The following KAZN variants were observed in gnomAD, a reference collection of about 807,000 sequenced individuals.
The protein encoded by KAZN is kazrin.
In KAZN, 40 loss-of-function variants were observed where a neutral mutation model predicts 87.4. The observed-to-expected ratio is 0.46, with a 90% CI of 0.36 to 0.60. The LOEUF (loss-of-function observed/expected upper bound fraction) is 0.60. Ranked by LOEUF, KAZN falls within the 20% of genes least tolerant of loss-of-function variation. The pLI, the probability that KAZN is intolerant of heterozygous loss-of-function variation, is 0.00. For missense variants in KAZN, 898 were observed against 1,073.9 expected (o/e 0.84, Z 2.29); for synonymous variants, 466 against 458.3 (o/e 1.02, Z -0.22).
intron 8 of KAZN, among the ~76,000 whole-genome samples, chr1:15,076,855 A>G (rs1185173430): frequency 3.9e-5 from 6 of 152,172 alleles, no homozygotes; most frequent in Non-Finnish European, 7.3e-5. Context: ...CTGCAAACAT[A>G]TATTAGGGTG....
intron 1 of KAZN, among the ~76,000 whole-genome samples, chr1:14,047,067 A>G (rs1642108218): frequency 6.6e-6 from 1 of 152,112 alleles, no homozygotes; most frequent in Non-Finnish European, 1.5e-5. Context: ...CCATCTGTGC[A>G]TTCGTTCATC....
intron 2 of KAZN, among the ~76,000 whole-genome samples, chr1:14,315,150 A>G (rs184403759): frequency 6.6e-6 from 1 of 152,234 alleles, no homozygotes; most frequent in East Asian, 1.9e-4. Flanking sequence ...CAAGTTTTGT[A>G]TGACAGTCAC....
At chr1:13,961,875 G>A (rs1343674746) in intron 1 of KAZN, among the ~76,000 whole-genome samples, 2 of 152,184 alleles carry the variant, frequency 1.3e-5, no homozygotes, top group Non-Finnish European at 2.9e-5. Context: ...GTGAATGTCA[G>A]AATTGATTGG....
At chr1:14,225,961 A>T (rs1219441276) in intron 2 of KAZN, among the ~76,000 whole-genome samples, 1 of 152,206 alleles carries the variant, frequency 6.6e-6, no homozygotes, top group African/African-American at 2.4e-5. Context: ...TGAAGACTTC[A>T]TGATGAAGAC....
intron 1 of KAZN, among the ~76,000 whole-genome samples, chr1:14,688,549 G>T (rs1025177016): frequency 6.6e-6 from 1 of 152,250 alleles, no homozygotes; most frequent in Admixed American, 6.5e-5. Flanking sequence ...TGGGTAATTA[G>T]AATATGGCAT....
intron 1 of KAZN, among the ~76,000 whole-genome samples, chr1:14,950,648 G>A (rs1290601246): frequency 6.6e-6 from 1 of 152,174 alleles, no homozygotes; most frequent in East Asian, 1.9e-4. Flanking sequence ...GCTTTCAGGA[G>A]GCTTTGGAGG....
intron 2 of KAZN, among the ~76,000 whole-genome samples, chr1:14,335,109 C>CG (rs369142361): frequency 0.013 from 2,005 of 151,080 alleles, 31 homozygotes; most frequent in Middle Eastern, 0.061. Context: ...ACTCGGTGCC[C>CG]CCCCCCCACC....
chr1:14,432,730 C>A (rs1001177093), intron 2 of KAZN, among the ~76,000 whole-genome samples: 1 of 152,012 alleles, frequency 6.6e-6, no homozygotes, highest in Non-Finnish European at 1.5e-5. Flanking sequence ...TTTCCCCACC[C>A]CCAACCCCCA....
intron 1 of KAZN, among the ~76,000 whole-genome samples, chr1:14,759,208 G>A (rs1644664907): frequency 6.6e-6 from 1 of 152,218 alleles, no homozygotes; most frequent in Non-Finnish European, 1.5e-5. Context: ...CAGCCTGGCT[G>A]TGCCAAAGCC....
intron 1 of KAZN, among the ~76,000 whole-genome samples, chr1:14,781,674 T>TTAA (rs1645353295): frequency 6.6e-6 from 1 of 152,074 alleles, no homozygotes; most frequent in African/African-American, 2.4e-5. Context: ...GTTTGTACCT[T>TTAA]TAAAACCCAT....
At chr1:14,121,027 T>TG (rs1443664867) in intron 1 of KAZN, among the ~76,000 whole-genome samples, 1 of 152,184 alleles carries the variant, frequency 6.6e-6, no homozygotes, top group Non-Finnish European at 1.5e-5. Flanking sequence ...GCAGCCATCT[T>TG]GGCACTATGA....
intron 2 of KAZN, among the ~76,000 whole-genome samples, chr1:14,506,951 T>C (rs1322634100): frequency 6.6e-6 from 1 of 152,186 alleles, no homozygotes; most frequent in Non-Finnish European, 1.5e-5. Context: ...GGCTGAGCCC[T>C]AGTGAGAACA....
chr1:14,066,026 C>T (rs967863041), intron 1 of KAZN, among the ~76,000 whole-genome samples: 2 of 152,092 alleles, frequency 1.3e-5, no homozygotes, highest in African/African-American at 2.4e-5. Context: ...TATACCACTC[C>T]GTATGCCTTT....
intron 1 of KAZN, among the ~76,000 whole-genome samples, chr1:14,116,178 A>G (rs10928019): frequency 0.088 from 13,436 of 152,280 alleles, 1,082 homozygotes; most frequent in African/African-American, 0.21. Flanking sequence ...TTGCGTAAGT[A>G]ACAAGGAACC....
intron 1 of KAZN, among the ~76,000 whole-genome samples, chr1:14,724,240 G>A (rs1173117595): frequency 2.0e-5 from 3 of 150,792 alleles, no homozygotes; most frequent in Non-Finnish European, 3.0e-5. Context: ...ACAGGATAGG[G>A]AAAAAAAAAG....
intron 1 of KAZN, among the ~76,000 whole-genome samples, chr1:14,126,352 C>T (rs539395246): frequency 3.2e-5 from 2 of 63,234 alleles, no homozygotes; most frequent in Admixed American, 4.0e-4. Context: ...AAGCTCTCCC[C>T]TCCCCCCCCC....
chr1:14,704,939 G>A (rs550694493), intron 1 of KAZN, among the ~76,000 whole-genome samples: 2 of 152,292 alleles, frequency 1.3e-5, no homozygotes, highest in East Asian at 3.9e-4. Flanking sequence ...CCTTCTAGGT[G>A]CATAGGTGGA....
chr1:14,924,305 C>A (rs971436264), intron 1 of KAZN: 607 of 985,108 alleles, frequency 6.2e-4, no homozygotes, highest in Non-Finnish European at 7.2e-4. Flanking sequence ...TCTGTGAGCC[C>A]GGCGCGCGCC....
At chr1:14,630,817 G>T (rs560859494) in intron 1 of KAZN, among the ~76,000 whole-genome samples, 1 of 152,286 alleles carries the variant, frequency 6.6e-6, no homozygotes, top group African/African-American at 2.4e-5. Context: ...CTGTGGGGAA[G>T]ACACGTAACC....
Sources: allele counts gnomAD v4.1 joint callset (sites outside exome capture counted in the v4.1 genomes callset), GRCh38; gene constraint gnomAD v4.1.1; transcripts MANE v1.5; gene names NCBI Gene and HGNC (gene_info 2026-07-23, HGNC 2026-07-21).